MCF2L2: variants seen among roughly 807,000 people sequenced by gnomAD.
MCF2L2 encodes the protein MCF.2 cell line derived transforming sequence-like 2.
Under a neutral mutation model 150.2 loss-of-function variants are expected in MCF2L2, and 102 were observed. The observed-to-expected ratio is 0.68, with a 90% CI of 0.58 to 0.80. MCF2L2 has a LOEUF of 0.80. Ranked by LOEUF, MCF2L2 falls within the 30% of genes least tolerant of loss-of-function variation. The pLI is 0.00. For synonymous variants in MCF2L2, 465 were observed against 491.3 expected (o/e 0.95, Z 0.71); for missense variants, 1,256 against 1,372.8 (o/e 0.91, Z 1.34).
intron 25 of MCF2L2, among the ~76,000 whole-genome samples, chr3:183,204,750 C>A (rs1256167856): frequency 6.6e-6 from 1 of 152,092 alleles, no homozygotes; most frequent in South Asian, 2.1e-4. Context: ...GGGGAAAAAC[C>A]CCAAATCTTC....
At chr3:183,342,248 G>A (rs1358244785) in intron 3 of MCF2L2, among the ~76,000 whole-genome samples, 1 of 152,182 alleles carries the variant, frequency 6.6e-6, no homozygotes, top group African/African-American at 2.4e-5. Context: ...AATTCTAAAA[G>A]TGAAAACATT....
intron 3 of MCF2L2, among the ~76,000 whole-genome samples, chr3:183,367,181 G>C: frequency 6.6e-6 from 1 of 151,676 alleles, no homozygotes; most frequent in Non-Finnish European, 1.5e-5. Context: ...GTACATCACA[G>C]AATGCATATA....
chr3:183,350,198 T>C (rs1731056389), intron 3 of MCF2L2, among the ~76,000 whole-genome samples: 1 of 152,154 alleles, frequency 6.6e-6, no homozygotes, highest in African/African-American at 2.4e-5. Flanking sequence ...CATAATTGTA[T>C]ATAGGCCACA....
chr3:183,271,152 G>T, intron 15 of MCF2L2: 2 of 419,444 alleles, frequency 4.8e-6, no homozygotes, highest in South Asian at 6.6e-5. Flanking sequence ...ATTTAGAAAA[G>T]GTTTATATTA....
chr3:183,348,863 C>G (rs772472747), intron 3 of MCF2L2, among the ~76,000 whole-genome samples: 7 of 152,068 alleles, frequency 4.6e-5, no homozygotes, highest in Non-Finnish European at 8.8e-5. Flanking sequence ...GCCCCAAAGA[C>G]ACAAAGCAAA....
intron 1 of MCF2L2, among the ~76,000 whole-genome samples, chr3:183,392,123 A>G (rs1714189459): frequency 6.6e-6 from 1 of 152,196 alleles, no homozygotes. Context: ...TATTGTTCTT[A>G]CATGTCAATA....
chr3:183,329,573 T>C (rs1730184959), intron 5 of MCF2L2, among the ~76,000 whole-genome samples: 1 of 152,176 alleles, frequency 6.6e-6, no homozygotes, highest in Non-Finnish European at 1.5e-5. Flanking sequence ...GGGACCTCTA[T>C]AATGTGAGAT....
chr3:183,223,996 A>C, intron 19 of MCF2L2, 102 bp downstream of exon 19: 1 of 843,256 alleles, frequency 1.2e-6, no homozygotes, highest in Non-Finnish European at 2.0e-6. Context: ...ATAAACATAA[A>C]TCGCAATGCC....
chr3:183,292,007 A>G (rs1728175705), intron 13 of MCF2L2, among the ~76,000 whole-genome samples: 1 of 152,166 alleles, frequency 6.6e-6, no homozygotes, highest in Non-Finnish European at 1.5e-5. Context: ...GTTTCCAATC[A>G]TCTAAGAAGG....
intron 15 of MCF2L2, among the ~76,000 whole-genome samples, chr3:183,233,466 AT>A (rs1560357824): frequency 6.6e-6 from 1 of 152,090 alleles, no homozygotes; most frequent in Non-Finnish European, 1.5e-5. Flanking sequence ...ATACCATGCA[AT>A]TGTTAAAAAG....
chr3:183,386,616 T>C (rs544562254), intron 2 of MCF2L2, among the ~76,000 whole-genome samples: 3 of 152,286 alleles, frequency 2.0e-5, no homozygotes, highest in Admixed American at 6.5e-5. Context: ...GTGAAATTGG[T>C]AGAAAATTTT....
chr3:183,323,646 A>T (rs1354144482), intron 5 of MCF2L2, among the ~76,000 whole-genome samples: 1 of 151,820 alleles, frequency 6.6e-6, no homozygotes, highest in African/African-American at 2.4e-5. Context: ...ATAAAAAAAA[A>T]AATTAGCCAG....
chr3:183,296,847 C>G (rs375554740), intron 12 of MCF2L2, 129 bp downstream of exon 12: 3 of 1,019,168 alleles, frequency 2.9e-6, no homozygotes, highest in South Asian at 3.4e-5. Flanking sequence ...CGGAGGGCTT[C>G]GGAACCAGTG....
In MCF2L2 at chr3:183,292,223, C is replaced by T. The variant is rs541859866; in HGVS notation, c.1676-3003G>A. Among the ~76,000 whole-genome samples the T allele has an allele frequency of 7.2e-5, 11 of 152,174 alleles. No homozygotes were observed. In the East Asian group the frequency reaches 2.1e-3, roughly 29 times the overall value. On this transcript the variant is annotated intron_variant, in intron 13 of 29. Coordinates refer to ENST00000328913, the MANE Select transcript of MCF2L2 (RefSeq NM_015078.4). ...TGTACTAAATGGAGAATTACCAAAA[C>T]ACCCCACAATTTTCATATAAACAAA... is the stretch of plus-strand genomic sequence containing the variant.
intron 25 of MCF2L2, among the ~76,000 whole-genome samples, chr3:183,195,979 T>G (rs1022205010): frequency 1.3e-5 from 2 of 152,180 alleles, no homozygotes; most frequent in African/African-American, 4.8e-5. Context: ...TTGCCTTGTT[T>G]CCCACCCACC....
intron 22 of MCF2L2, among the ~76,000 whole-genome samples, chr3:183,214,372 T>A (rs1175922273): frequency 6.6e-6 from 1 of 152,170 alleles, no homozygotes; most frequent in African/African-American, 2.4e-5. Context: ...GCATCAGTTG[T>A]CATCAGAGAC....
chr3:183,279,541 T>C (rs1727357542), intron 14 of MCF2L2, among the ~76,000 whole-genome samples: 1 of 152,164 alleles, frequency 6.6e-6, no homozygotes, highest in Non-Finnish European at 1.5e-5. Context: ...TCACCCTGAA[T>C]TGCCCCTAGG....
chr3:183,260,503 T>C (rs1183154241), intron 15 of MCF2L2, among the ~76,000 whole-genome samples: 3 of 152,242 alleles, frequency 2.0e-5, no homozygotes, highest in African/African-American at 7.2e-5. Context: ...TCAGCTTTTT[T>C]ATTTGTTTCA....
chr3:183,268,726 T>G lies in MCF2L2; in HGVS notation c.1862+8146A>C, dbSNP rs1726404565. ...TGCATAAAGACTTCGAGTTAAACGG[T>G]CTTACCCCAATTTGTCAAATTTCTG... On this transcript the variant is annotated intron_variant, in intron 15 of 29. Transcript: ENST00000328913. Among the ~76,000 whole-genome samples, 3 of 152,268 alleles carry G rather than the reference T, an allele frequency of 2.0e-5. No individual in the cohort carries two copies. In the South Asian group the frequency reaches 6.2e-4, roughly 32 times the overall value.
Sources: gnomAD v4.1 joint callset for allele counts (sites outside exome capture counted in the v4.1 genomes callset) on GRCh38, gnomAD v4.1.1 for gene constraint, MANE v1.5 for transcripts, NCBI Gene and HGNC (gene_info 2026-07-23, HGNC 2026-07-21) for gene names.